Variants in PLCG2 observed in about 807,000 individuals in gnomAD.
PLCG2 encodes phospholipase C gamma 2.
In PLCG2, 69 loss-of-function variants were observed where a neutral mutation model predicts 175.6. That is an observed-to-expected ratio of 0.39 (90% CI 0.32 to 0.48). The LOEUF (loss-of-function observed/expected upper bound fraction) is 0.48. PLCG2 is among the 20% of genes least tolerant of loss of function. The probability of loss-of-function intolerance (pLI) is 0.91; values close to 1 mark genes in which losing one functional copy is unlikely to be tolerated. For synonymous variants in PLCG2, 827 were observed against 624.0 expected (o/e 1.33, Z -4.85); for missense variants, 1,798 against 1,650.9 (o/e 1.09, Z -1.54).
At chr16:81,750,928 C>G (rs573082139) in intron 1 of PLCG2, among the ~76,000 whole-genome samples, 88 of 150,070 alleles carry the variant, frequency 5.9e-4, no homozygotes, top group African/African-American at 2.0e-3. Flanking sequence ...CCACCTCAGC[C>G]TCCCAAAGTG....
intron 31 of PLCG2, among the ~76,000 whole-genome samples, chr16:81,947,993 C>G (rs1436823557): frequency 6.6e-6 from 1 of 152,178 alleles, no homozygotes; most frequent in East Asian, 1.9e-4. Flanking sequence ...AAATGATTTT[C>G]AAAGCCATTG....
intron 2 of PLCG2, among the ~76,000 whole-genome samples, chr16:81,805,221 C>A (rs1911939772): frequency 1.3e-5 from 2 of 152,096 alleles, no homozygotes; most frequent in African/African-American, 2.4e-5. Flanking sequence ...AATAAAAGGC[C>A]AGGCTCGGTA....
upstream of PLCG2, among the ~76,000 whole-genome samples, chr16:81,776,514 A>G (rs966588700): frequency 1.3e-5 from 2 of 152,150 alleles, no homozygotes; most frequent in Admixed American, 6.5e-5. Flanking sequence ...GTCATTTTAC[A>G]TTAGAGTCCT....
chr16:81,837,082 G>A lies in PLCG2; in HGVS notation c.194-17362G>A, dbSNP rs573644706. Among the ~76,000 whole-genome samples, 6 of 152,172 alleles carry A rather than the reference G, an allele frequency of 3.9e-5. No individual in the cohort carries two copies. The South Asian group carries it at 1.0e-3, about 26-fold the overall frequency. ...ATTTATTCCAGGCCATCCAAGTTAA[G>A]GTAGTTGTCTGTATTTTGAGAACCT... On this transcript the variant is annotated intron_variant, in intron 2 of 32. Transcript: ENST00000564138.
intron 5 of PLCG2, among the ~76,000 whole-genome samples, chr16:81,863,925 G>A (rs1907103802): frequency 6.6e-6 from 1 of 152,182 alleles, no homozygotes; most frequent in South Asian, 2.1e-4. Flanking sequence ...AATGCAAATA[G>A]GCTTCCTATT....
intron 14 of PLCG2, among the ~76,000 whole-genome samples, chr16:81,901,381 G>A (rs1030639266): frequency 1.3e-5 from 2 of 152,152 alleles, no homozygotes; most frequent in African/African-American, 2.4e-5. Context: ...TATATGCCGT[G>A]GCTTAAAGCA....
At chr16:81,777,381 C>A (rs1256211095), upstream of PLCG2, among the ~76,000 whole-genome samples, 22 of 137,482 alleles carry the variant, frequency 1.6e-4, no homozygotes, top group African/African-American at 5.7e-4. Context: ...TTATATAACA[C>A]ATACTAAAAC....
intron 2 of PLCG2, among the ~76,000 whole-genome samples, chr16:81,801,706 T>G (rs1326142857): frequency 6.6e-6 from 1 of 152,076 alleles, no homozygotes; most frequent in Admixed American, 6.6e-5. Flanking sequence ...CTTGAGGTGG[T>G]GTCTTGCTTT....
chr16:81,827,158 G>A (rs147646630), intron 2 of PLCG2, among the ~76,000 whole-genome samples: 1 of 151,558 alleles, frequency 6.6e-6, no homozygotes, highest in African/African-American at 2.4e-5. Flanking sequence ...TAAGGTGCAT[G>A]GTTAATCTCA....
chr16:81,946,583 C>G (rs958256565), intron 31 of PLCG2, among the ~76,000 whole-genome samples: 1 of 152,090 alleles, frequency 6.6e-6, no homozygotes, highest in African/African-American at 2.4e-5. Context: ...TAGACTCATC[C>G]TTTCTGGATG....
intron 10 of PLCG2, among the ~76,000 whole-genome samples, 157 bp from the exon 11 acceptor site, chr16:81,891,315 T>G (rs932687301): frequency 6.6e-6 from 1 of 152,164 alleles, no homozygotes; most frequent in African/African-American, 2.4e-5. Flanking sequence ...GCCTGAGCCT[T>G]CGGTATTGAA....
At chr16:81,802,223 T>C (rs1911760133) in intron 2 of PLCG2, among the ~76,000 whole-genome samples, 2 of 147,570 alleles carry the variant, frequency 1.4e-5, no homozygotes, top group Non-Finnish European at 1.5e-5. Context: ...CACCATTCTC[T>C]TGCCTCAGCC....
chr16:81,903,965 C>A (rs532712198), intron 14 of PLCG2, among the ~76,000 whole-genome samples: 4 of 152,202 alleles, frequency 2.6e-5, no homozygotes, highest in African/African-American at 9.7e-5. Flanking sequence ...TAGGCGTGGT[C>A]ATATGTATCT....
intron 2 of PLCG2, among the ~76,000 whole-genome samples, chr16:81,761,345 A>C (rs984727996): frequency 3.3e-5 from 5 of 152,224 alleles, no homozygotes; most frequent in Admixed American, 2.0e-4. Flanking sequence ...AGCCTGGGCA[A>C]CAGGGCCAGA....
At chr16:81,752,815 G>C (rs1909839588) in intron 1 of PLCG2, among the ~76,000 whole-genome samples, 1 of 152,192 alleles carries the variant, frequency 6.6e-6, no homozygotes, top group Non-Finnish European at 1.5e-5. Flanking sequence ...CACCTCCCCG[G>C]TGAGTGGCTG....
chr16:81,873,497 A>G (rs925200331), intron 7 of PLCG2, among the ~76,000 whole-genome samples: 14 of 152,210 alleles, frequency 9.2e-5, no homozygotes, highest in African/African-American at 7.2e-5. Flanking sequence ...ATCTTATGCA[A>G]TTGACCAGGA....
In PLCG2 at chr16:81,937,693, C is replaced by T. The variant is rs971821936; in HGVS notation, c.3053-65C>T. On this transcript the variant is annotated intron_variant, in intron 27 of 32. Transcript: ENST00000564138. ...GTGAAATTCATTCCCCACCTAGAAA[C>T]TCCTGGCCTAGGGGGCCAGCGTGCT... is the stretch of plus-strand genomic sequence containing the variant. 2.9e-5 allele frequency: 43 copies of T among 1,472,116 alleles called. No individual in the cohort carries two copies. In the African/African-American group the frequency reaches 4.8e-4, roughly 16 times the overall value. The allele number at this position is 1,472,116 out of a possible 1,614,324, so 91.2% of individuals were successfully genotyped here. A position where few individuals can be genotyped will look rare whatever the true frequency, so the allele number is the denominator to read the frequency against.
intron 1 of PLCG2, among the ~76,000 whole-genome samples, chr16:81,741,486 C>T (rs1278933037): frequency 1.3e-5 from 2 of 152,112 alleles, no homozygotes; most frequent in East Asian, 1.9e-4. Flanking sequence ...TTATGGGTTA[C>T]AGAGTGACAT....
rs1159739170 is a variant in PLCG2 at position 81,908,548 on chromosome 16, C to A, written c.1690C>A (p.Arg564=). Residue 564 remains arginine, a synonymous_variant, in exon 17 of 33, where the codon CGG becomes AGG. Coordinates refer to ENST00000564138, the MANE Select transcript of PLCG2 (RefSeq NM_002661.5). ...GGGCAAGGATGGCACCTTCCTGGTT[C>A]GGGAGAGCGAGACCTTCCCCAATGA... The part of the protein sequence containing the change: ...TGGKDGTFLV[R]ESETFPNDYT... 1 of 1,612,954 alleles carries A rather than the reference C, an allele frequency of 6.2e-7. No individual in the cohort carries two copies. The highest frequency in any genetic ancestry group is 1.1e-5 in the South Asian group (1 of 91,008).
Sources: allele counts gnomAD v4.1 joint callset (sites outside exome capture counted in the v4.1 genomes callset), GRCh38; gene constraint gnomAD v4.1.1; transcripts MANE v1.5; gene names NCBI Gene and HGNC (gene_info 2026-07-23, HGNC 2026-07-21).